Variants in SDK1 observed in about 807,000 individuals in gnomAD.
SDK1 encodes sidekick cell adhesion molecule 1.
SDK1 carries 157 observed loss-of-function variants against 245.5 expected under a neutral mutation model. The observed-to-expected ratio is 0.64, with a 90% CI of 0.56 to 0.73. The LOEUF (loss-of-function observed/expected upper bound fraction) is 0.73. Ranked by LOEUF, SDK1 falls within the 30% of genes least tolerant of loss-of-function variation. The pLI is 0.00. For missense variants in SDK1, 3,583 were observed against 3,002.3 expected (o/e 1.19, Z -4.52); for synonymous variants, 1,647 against 1,278.5 (o/e 1.29, Z -6.15).
chr7:3,355,840 G>A (rs1255531806), intron 1 of SDK1, among the ~76,000 whole-genome samples: 1 of 152,174 alleles, frequency 6.6e-6, no homozygotes, highest in African/African-American at 2.4e-5. Context: ...AGAGGTTGGG[G>A]CATAAAACTT....
chr7:3,991,922 T>G (rs1222743856), intron 14 of SDK1, among the ~76,000 whole-genome samples: 1 of 152,244 alleles, frequency 6.6e-6, no homozygotes, highest in East Asian at 1.9e-4. Flanking sequence ...CAGCTGAACA[T>G]GCTGGCTAAT....
At chr7:4,095,027 T>C (rs1336276396) in intron 22 of SDK1, among the ~76,000 whole-genome samples, 1 of 152,236 alleles carries the variant, frequency 6.6e-6, no homozygotes, top group Non-Finnish European at 1.5e-5. Context: ...AGCTCTGGCC[T>C]GAGGGTGTGA....
intron 26 of SDK1, among the ~76,000 whole-genome samples, chr7:4,129,191 C>T (rs544437937): frequency 6.9e-6 from 1 of 144,406 alleles, no homozygotes; most frequent in African/African-American, 2.6e-5. Context: ...GGTAGGGTGC[C>T]CTGGAATAGA....
intron 8 of SDK1, among the ~76,000 whole-genome samples, chr7:3,961,656 T>C (rs1008405346): frequency 6.6e-6 from 1 of 152,114 alleles, no homozygotes; most frequent in Admixed American, 6.5e-5. Flanking sequence ...ACCTAACAAA[T>C]TGCTCCTCTG....
At chr7:3,912,306 G>A (rs1206686762) in intron 5 of SDK1, among the ~76,000 whole-genome samples, 4 of 152,166 alleles carry the variant, frequency 2.6e-5, no homozygotes, top group South Asian at 2.1e-4. Context: ...ATGCTAATGC[G>A]TGTATTGTGA....
At chr7:3,810,117 CT>C (rs1051598757) in intron 4 of SDK1, among the ~76,000 whole-genome samples, 14 of 152,134 alleles carry the variant, frequency 9.2e-5, no homozygotes, top group African/African-American at 3.4e-4. Context: ...GAATTGACTG[CT>C]GTTTGCAGAG....
At chr7:4,030,055 G>A (rs1458290321) in intron 17 of SDK1, among the ~76,000 whole-genome samples, 2 of 152,136 alleles carry the variant, frequency 1.3e-5, no homozygotes, top group African/African-American at 4.8e-5. Flanking sequence ...TTTCCAGATC[G>A]AGGTAAATGG....
At chr7:3,579,556 T>G (rs760090679) in intron 1 of SDK1, among the ~76,000 whole-genome samples, 1 of 152,180 alleles carries the variant, frequency 6.6e-6, no homozygotes, top group Non-Finnish European at 1.5e-5. Flanking sequence ...GACAAACCCA[T>G]AGCCAACATC....
intron 5 of SDK1, among the ~76,000 whole-genome samples, chr7:3,904,619 G>A (rs1002898847): frequency 1.3e-5 from 2 of 152,202 alleles, no homozygotes; most frequent in African/African-American, 4.8e-5. Flanking sequence ...GCTTCAGCCC[G>A]GAAGATCAAG....
At chr7:3,841,286 G>C (rs1043917484) in intron 5 of SDK1, among the ~76,000 whole-genome samples, 4 of 152,190 alleles carry the variant, frequency 2.6e-5, no homozygotes, top group African/African-American at 9.7e-5. Context: ...CAACTTCGCA[G>C]CTGTTTGCAT....
At chr7:3,393,096 G>A (rs1259358238) in intron 1 of SDK1, among the ~76,000 whole-genome samples, 1 of 148,592 alleles carries the variant, frequency 6.7e-6, no homozygotes, top group Non-Finnish European at 1.5e-5. Flanking sequence ...TCAGTCTCCT[G>A]AGTAGCTGAG....
At chr7:4,168,829 C>G (rs367912198) in intron 32 of SDK1, among the ~76,000 whole-genome samples, 1 of 152,166 alleles carries the variant, frequency 6.6e-6, no homozygotes, top group African/African-American at 2.4e-5. Flanking sequence ...CTGCTCGCCT[C>G]TTCGTCATGC....
intron 1 of SDK1, among the ~76,000 whole-genome samples, chr7:3,512,858 A>G (rs999497149): frequency 6.6e-6 from 1 of 152,080 alleles, no homozygotes. Flanking sequence ...GTTTTGTTAA[A>G]GTGCATTATG....
chr7:4,185,949 G>A (rs542532380), intron 35 of SDK1, among the ~76,000 whole-genome samples: 4 of 152,176 alleles, frequency 2.6e-5, no homozygotes, highest in Non-Finnish European at 5.9e-5. Context: ...AGTGACCCCT[G>A]AGCTCTAAGG....
intron 20 of SDK1, among the ~76,000 whole-genome samples, chr7:4,076,686 C>T (rs1369282707): frequency 6.6e-6 from 1 of 152,312 alleles, no homozygotes; most frequent in Non-Finnish European, 1.5e-5. Context: ...TGTTTCAGTT[C>T]ACGCACCTGG....
chr7:3,581,620 A>G (rs549202035), intron 1 of SDK1, among the ~76,000 whole-genome samples: 1 of 152,332 alleles, frequency 6.6e-6, no homozygotes, highest in South Asian at 2.1e-4. Context: ...CAGAACTACC[A>G]TTCAACCCAG....
chr7:3,590,549 C>G (rs1442511515), intron 1 of SDK1, among the ~76,000 whole-genome samples: 1 of 152,046 alleles, frequency 6.6e-6, no homozygotes, highest in East Asian at 1.9e-4. Flanking sequence ...CACAGTAATT[C>G]CTTGCATTGG....
intron 5 of SDK1, among the ~76,000 whole-genome samples, chr7:3,822,171 A>G (rs200606805): frequency 6.6e-6 from 1 of 152,202 alleles, no homozygotes; most frequent in Non-Finnish European, 1.5e-5. Flanking sequence ...TTTAAATTCT[A>G]CTAGCAAGAG....
intron 1 of SDK1, among the ~76,000 whole-genome samples, chr7:3,413,811 A>G (rs1436436956): frequency 6.6e-6 from 1 of 152,184 alleles, no homozygotes. Context: ...ATGTAGCAAG[A>G]TCTGCCATCT....
Sources: allele counts gnomAD v4.1 joint callset (sites outside exome capture counted in the v4.1 genomes callset), GRCh38; gene constraint gnomAD v4.1.1; transcripts MANE v1.5; gene names NCBI Gene and HGNC (gene_info 2026-07-23, HGNC 2026-07-21).